The following TCEANC2 variants were observed in gnomAD, a reference collection of about 807,000 sequenced individuals.
The protein encoded by TCEANC2 is transcription elongation factor A N-terminal and central domain-containing protein 2.
A neutral mutation model predicts 22.8 loss-of-function variants in TCEANC2; 20 were observed. The ratio of observed to expected loss-of-function variants is 0.88; its 90% CI spans 0.62 to 1.28. The LOEUF (loss-of-function observed/expected upper bound fraction) is 1.28. Ranked by LOEUF, TCEANC2 falls within the 50% of genes most tolerant of loss-of-function variation. The pLI, the probability that TCEANC2 is intolerant of heterozygous loss-of-function variation, is 0.00. For missense variants in TCEANC2, 251 were observed against 249.7 expected (o/e 1.01, Z -0.03); for synonymous variants, 84 against 95.5 (o/e 0.88, Z 0.70).
chr1:54,077,431 CA>C (rs11356504), intron 3 of TCEANC2, among the ~76,000 whole-genome samples: 43,891 of 151,892 alleles, frequency 0.29, 6,905 homozygotes, highest in Admixed American at 0.43. Flanking sequence ...TCTCAGGACA[CA>C]AGTAATTTCA....
chr1:54,070,441 A>T (rs538482755), intron 3 of TCEANC2, among the ~76,000 whole-genome samples: 5 of 152,304 alleles, frequency 3.3e-5, no homozygotes, highest in South Asian at 4.1e-4. Context: ...GATTATAATT[A>T]AAAAAATAAT....
chr1:54,083,381 T>A lies in TCEANC2; in HGVS notation c.245-5216T>A, dbSNP rs1472788838. ...CTGGGGTTCACAGATAATTAAAGAT[T>A]GGGCAAAGGATTAGCAGCCAGCAGA... On this transcript the variant is annotated intron_variant, in intron 3 of 4. Transcript: ENST00000234827. Among the ~76,000 whole-genome samples, 6 of 152,096 alleles carry A rather than the reference T, an allele frequency of 3.9e-5. No homozygotes were observed. The East Asian group carries it at 9.6e-4, about 24-fold the overall frequency.
At chr1:54,067,466 T>G (rs1657979837) in intron 2 of TCEANC2, among the ~76,000 whole-genome samples, 1 of 152,170 alleles carries the variant, frequency 6.6e-6, no homozygotes, top group African/African-American at 2.4e-5. Flanking sequence ...AAAAAGAAAG[T>G]CAGCTTTCAA....
intron 3 of TCEANC2, among the ~76,000 whole-genome samples, chr1:54,077,813 T>A (rs776959052): frequency 3.3e-5 from 5 of 152,140 alleles, no homozygotes; most frequent in Admixed American, 6.5e-5. Flanking sequence ...TGTGTCCTTG[T>A]TTCTTTCCTT....
At chr1:54,081,541 C>CA (rs1658245454) in intron 3 of TCEANC2, among the ~76,000 whole-genome samples, 1 of 152,194 alleles carries the variant, frequency 6.6e-6, no homozygotes, top group Non-Finnish European at 1.5e-5. Flanking sequence ...CCACCATGCG[C>CA]AGCCTGTCAT....
chr1:54,072,311 T>G (rs1416125926), intron 3 of TCEANC2, among the ~76,000 whole-genome samples: 1 of 152,214 alleles, frequency 6.6e-6, no homozygotes, highest in Non-Finnish European at 1.5e-5. Flanking sequence ...TCTCTTCAGC[T>G]GACTCTAATC....
chr1:54,074,043 A>C (rs1658102894), intron 3 of TCEANC2, among the ~76,000 whole-genome samples: 1 of 152,230 alleles, frequency 6.6e-6, no homozygotes, highest in East Asian at 1.9e-4. Context: ...TTTTAGACTT[A>C]TTCTGTGGAA....
intron 3 of TCEANC2, among the ~76,000 whole-genome samples, chr1:54,082,877 C>G (rs1163502106): frequency 6.6e-6 from 1 of 152,112 alleles, no homozygotes. Flanking sequence ...TGAAAAAGGT[C>G]ATTTTGCCTT....
chr1:54,059,545 G>C lies in TCEANC2; in HGVS notation c.102+5021G>C, dbSNP rs571070707. 9.8e-5 allele frequency among the ~76,000 whole-genome samples: 15 copies of C among 152,312 alleles called. No individual in the cohort carries two copies. In the South Asian group the frequency reaches 2.9e-3, roughly 29 times the overall value. ...GTCAATAAATATTTGTCAAATAAAT[G>C]AATGTTGAAATGCTTTCTGGGTTCT... On this transcript the variant is annotated intron_variant, in intron 2 of 4. Transcript: ENST00000234827.
chr1:54,057,236 T>C (rs1657768376), intron 2 of TCEANC2, among the ~76,000 whole-genome samples: 1 of 150,436 alleles, frequency 6.6e-6, no homozygotes, highest in Non-Finnish European at 1.5e-5. Flanking sequence ...TTGTTTTTTT[T>C]TTTTTTTTAG....
At chr1:54,056,728 T>C (rs1557685125) in intron 2 of TCEANC2, among the ~76,000 whole-genome samples, 1 of 152,008 alleles carries the variant, frequency 6.6e-6, no homozygotes, top group African/African-American at 2.4e-5. Flanking sequence ...AAATAAATGA[T>C]GTGAAAATTA....
chr1:54,080,336 G>T (rs921496807), intron 3 of TCEANC2, among the ~76,000 whole-genome samples: 1 of 151,964 alleles, frequency 6.6e-6, no homozygotes, highest in Non-Finnish European at 1.5e-5. Context: ...TAGATATGGG[G>T]TTTCACCATG....
chr1:54,076,811 G>A (rs1381758211), intron 3 of TCEANC2, among the ~76,000 whole-genome samples: 4 of 152,156 alleles, frequency 2.6e-5, no homozygotes, highest in African/African-American at 9.7e-5. Flanking sequence ...TCCTATCCTT[G>A]TGAAGCTTAC....
chr1:54,106,447 T>A (rs1292637239), downstream of TCEANC2, among the ~76,000 whole-genome samples: 1 of 152,220 alleles, frequency 6.6e-6, no homozygotes, highest in Non-Finnish European at 1.5e-5. Context: ...ATGCCCCAAA[T>A]ATTATTACTT....
rs754643506 is a variant in TCEANC2, at chr1:54,103,260, C to T, written c.*6787C>T. ...CCATTTTCACACTGCTATAAAGATA[C>T]TACCTGAGACTGGGTAATTTAAGAA... is the stretch of plus-strand genomic sequence containing the variant. On this transcript the variant is annotated 3_prime_UTR_variant, in exon 5 of 5. Coordinates refer to ENST00000234827, the MANE Select transcript of TCEANC2 (RefSeq NM_153035.3). 4 of 152,226 alleles carry T rather than the reference C, an allele frequency of 2.6e-5. No individual in the cohort carries two copies. Among genetic ancestry groups the T allele is most frequent in the African/African-American group, 7.2e-5 (3 of 41,432 alleles). The allele number at this position is 152,226 out of a possible 1,614,324, so 9.4% of individuals were successfully genotyped here. A position where few individuals can be genotyped will look rare whatever the true frequency, so the allele number is the denominator to read the frequency against.
At chr1:54,111,578 C>G (rs72664147) in exon 5 of TCEANC2, 2 of 152,252 alleles carry the variant, frequency 1.3e-5, no homozygotes, top group African/African-American at 2.4e-5. Context: ...TTACTGGCCC[C>G]GTTGCTCCCG....
intron 3 of TCEANC2, among the ~76,000 whole-genome samples, chr1:54,071,338 T>G (rs1215956073): frequency 6.6e-6 from 1 of 152,214 alleles, no homozygotes; most frequent in African/African-American, 2.4e-5. Context: ...TCTTATGAGG[T>G]TGCAGTCAAG....
At chr1:54,073,803 A>G (rs1283357128) in intron 3 of TCEANC2, among the ~76,000 whole-genome samples, 3 of 152,188 alleles carry the variant, frequency 2.0e-5, no homozygotes, top group Admixed American at 6.5e-5. Context: ...AAGAAATGAG[A>G]GTGGCCTGGA....
rs1658572433 is a variant in TCEANC2, at chr1:54,097,078, T to G, written c.*605T>G. On this transcript the variant is annotated 3_prime_UTR_variant, in exon 5 of 5. Transcript: ENST00000234827. ...AGAGCCCCCATGCTGAGGCTACTAA[T>G]GAGGAACTGGCCCGAAGCCTCCCAC... is the stretch of plus-strand genomic sequence containing the variant. The G allele has an allele frequency of 5.0e-6, 4 of 799,436 alleles. No homozygotes were observed. The highest frequency in any genetic ancestry group is 6.1e-6 in the Non-Finnish European group (4 of 659,742). The allele number at this position is 799,436 out of a possible 1,614,324, so 49.5% of individuals were successfully genotyped here.
Sources: gnomAD v4.1 joint callset for allele counts (sites outside exome capture counted in the v4.1 genomes callset) on GRCh38, gnomAD v4.1.1 for gene constraint, MANE v1.5 for transcripts, NCBI Gene and HGNC (gene_info 2026-07-23, HGNC 2026-07-21) for gene names.